Variants in THSD7B observed in about 807,000 individuals in gnomAD.
THSD7B encodes the protein thrombospondin type-1 domain-containing protein 7B.
A neutral mutation model predicts 213.6 loss-of-function variants in THSD7B; 138 were observed. The observed-to-expected ratio is 0.65, with a 90% CI of 0.56 to 0.74. The LOEUF (loss-of-function observed/expected upper bound fraction) is 0.74, where lower values mean the gene tolerates loss of function less well. THSD7B is among the 30% of genes least tolerant of loss of function. THSD7B has a pLI of 0.00. For missense variants in THSD7B, 1,931 were observed against 1,991.5 expected, an observed-to-expected ratio of 0.97 and a Z score of 0.58; for synonymous variants, 742 against 687.0, an observed-to-expected ratio of 1.08 and a Z score of -1.25.
chr2:137,231,571 T>G (rs1681640557), intron 8 of THSD7B, among the ~76,000 whole-genome samples: 1 of 130,072 alleles, frequency 7.7e-6, no homozygotes, highest in South Asian at 2.5e-4. Flanking sequence ...CTTGTGCAGT[T>G]GGGAACATAA....
At chr2:137,466,428 C>T (rs188920104) in intron 15 of THSD7B, among the ~76,000 whole-genome samples, 17 of 152,182 alleles carry the variant, frequency 1.1e-4, no homozygotes, top group East Asian at 9.7e-4. Context: ...TGGCCCAGGA[C>T]GGCTTTAAAT....
chr2:136,878,283 T>A (rs1683557552), intron 1 of THSD7B, among the ~76,000 whole-genome samples: 1 of 152,252 alleles, frequency 6.6e-6, no homozygotes. Context: ...TTCCATGGTG[T>A]ATATGTGCCA....
intron 1 of THSD7B, among the ~76,000 whole-genome samples, chr2:136,881,466 G>GACCTTC (rs1573686382): frequency 3.3e-5 from 5 of 152,078 alleles, no homozygotes; most frequent in Admixed American, 3.3e-4. Flanking sequence ...ATTAACTGCT[G>GACCTTC]ACCTTCAAAT....
intron 2 of THSD7B, among the ~76,000 whole-genome samples, chr2:136,927,687 T>C (rs542454811): frequency 6.1e-4 from 93 of 152,256 alleles, no homozygotes; most frequent in African/African-American, 2.0e-3. Context: ...GGGAATGAAG[T>C]CTACTTTGGT....
intron 1 of THSD7B, among the ~76,000 whole-genome samples, chr2:136,851,837 A>G (rs1368377347): frequency 6.6e-6 from 1 of 152,124 alleles, no homozygotes; most frequent in East Asian, 1.9e-4. Flanking sequence ...AGGATGTGGA[A>G]ATATCCTGCC....
chr2:136,891,691 G>A (rs888270880), intron 2 of THSD7B, among the ~76,000 whole-genome samples: 1 of 152,192 alleles, frequency 6.6e-6, no homozygotes, highest in Non-Finnish European at 1.5e-5. Context: ...TGGGTCACAG[G>A]CATTTCCATG....
chr2:137,421,915 T>C (rs1686938436), intron 14 of THSD7B, among the ~76,000 whole-genome samples: 1 of 152,224 alleles, frequency 6.6e-6, no homozygotes, highest in African/African-American at 2.4e-5. Flanking sequence ...ACCATCTCAA[T>C]ATCACATCTG....
At chr2:136,841,449 T>A (rs1292753284) in intron 1 of THSD7B, among the ~76,000 whole-genome samples, 2 of 150,804 alleles carry the variant, frequency 1.3e-5, no homozygotes, top group Non-Finnish European at 3.0e-5. Flanking sequence ...CAAAAAAAAA[T>A]AGCTGGACAT....
chr2:137,133,383 A>G (rs542080466), intron 5 of THSD7B, among the ~76,000 whole-genome samples: 1 of 152,316 alleles, frequency 6.6e-6, no homozygotes, highest in East Asian at 1.9e-4. Context: ...TCTTTATTCA[A>G]TAAAGTAAAA....
intron 2 of THSD7B, among the ~76,000 whole-genome samples, chr2:137,032,374 CTG>C (rs1423539903): frequency 6.6e-6 from 1 of 152,170 alleles, no homozygotes; most frequent in East Asian, 1.9e-4. Context: ...TTAGTTATCT[CTG>C]TATATACTTG....
chr2:136,891,605 G>A (rs978206185), intron 2 of THSD7B, among the ~76,000 whole-genome samples: 1 of 152,164 alleles, frequency 6.6e-6, no homozygotes, highest in East Asian at 1.9e-4. Flanking sequence ...TGGAGGCTCC[G>A]CTCCCTGTGT....
intron 6 of THSD7B, among the ~76,000 whole-genome samples, chr2:137,160,630 G>C (rs1449023990): frequency 6.6e-6 from 1 of 152,008 alleles, no homozygotes; most frequent in African/African-American, 2.4e-5. Context: ...GTTTTGTTTT[G>C]TTTTGTTTTC....
At chr2:137,133,438 GT>G (rs1419894896) in intron 5 of THSD7B, among the ~76,000 whole-genome samples, 3 of 152,144 alleles carry the variant, frequency 2.0e-5, no homozygotes, top group African/African-American at 7.2e-5. Flanking sequence ...AGGTGACTTG[GT>G]TTTTCCTATG....
chr2:137,150,315 A>T (rs1422109065), intron 5 of THSD7B, among the ~76,000 whole-genome samples: 1 of 151,856 alleles, frequency 6.6e-6, no homozygotes. Flanking sequence ...CAGGGGCAGA[A>T]TGATATGGTT....
chr2:137,441,652 G>A (rs1490273872), intron 14 of THSD7B, among the ~76,000 whole-genome samples: 1 of 152,130 alleles, frequency 6.6e-6, no homozygotes, highest in African/African-American at 2.4e-5. Context: ...AATAGTTCAA[G>A]TGAGAGATAT....
chr2:136,952,100 C>T (rs1232180134), intron 2 of THSD7B, among the ~76,000 whole-genome samples: 1 of 152,116 alleles, frequency 6.6e-6, no homozygotes, highest in East Asian at 1.9e-4. Flanking sequence ...AACTCCTGTC[C>T]TCATGATCTG....
At chr2:136,959,661 A>G (rs1685184827) in intron 2 of THSD7B, among the ~76,000 whole-genome samples, 2 of 152,192 alleles carry the variant, frequency 1.3e-5, no homozygotes, top group African/African-American at 4.8e-5. Flanking sequence ...TTCTTGGCCA[A>G]ATGTTTTTCA....
rs891350241 is a variant in THSD7B at position 137,236,793 on chromosome 2, T to C, written c.2150+3660T>C. On this transcript the variant is annotated intron_variant, in intron 9 of 27. Transcript: ENST00000409968. Reference sequence around the variant, plus strand: ...GGCAGGTCTTTGTAGCCCAATGTGATGTATTTCAGCACAGTGCTTATAAGA... The same window carrying C: ...GGCAGGTCTTTGTAGCCCAATGTGACGTATTTCAGCACAGTGCTTATAAGA... Among the ~76,000 whole-genome samples, 52 of 152,146 alleles carry C rather than the reference T, an allele frequency of 3.4e-4. 2 individuals are homozygous for C. The highest frequency in any genetic ancestry group is 8.8e-5 in the Non-Finnish European group (6 of 68,012).
At chr2:137,581,768 A>T (rs1405371028) in intron 17 of THSD7B, among the ~76,000 whole-genome samples, 2 of 142,916 alleles carry the variant, frequency 1.4e-5, no homozygotes, top group Non-Finnish European at 3.1e-5. Context: ...TCAAAAAAAA[A>T]AATAAAAAAA....
Sources: allele counts gnomAD v4.1 joint callset (sites outside exome capture counted in the v4.1 genomes callset), GRCh38; gene constraint gnomAD v4.1.1; transcripts MANE v1.5; gene names NCBI Gene and HGNC (gene_info 2026-07-23, HGNC 2026-07-21).